Variants in GALNT13 observed in about 807,000 individuals in gnomAD.
GALNT13 encodes UDP-GalNAc:polypeptide N-acetylgalactosaminyltransferase 13.
Under a neutral mutation model 64.2 loss-of-function variants are expected in GALNT13, and 28 were observed. The observed-to-expected ratio is 0.44, with a 90% CI of 0.32 to 0.60. The LOEUF (loss-of-function observed/expected upper bound fraction) is 0.60, where lower values mean the gene tolerates loss of function less well. Ranked by LOEUF, GALNT13 falls within the 20% of genes least tolerant of loss-of-function variation. The pLI, the probability that GALNT13 is intolerant of heterozygous loss-of-function variation, is 0.05. For synonymous variants in GALNT13, 214 were observed against 224.6 expected, an observed-to-expected ratio of 0.95 and a Z score of 0.42; for missense variants, 577 against 669.8, an observed-to-expected ratio of 0.86 and a Z score of 1.53.
chr2:153,193,473 C>T, the GALNT13 span, among the ~76,000 whole-genome samples: 1 of 149,568 alleles, frequency 6.7e-6, no homozygotes, highest in African/African-American at 2.4e-5. Context: ...GGAGGGATAG[C>T]ATTGGGAGAT....
chr2:153,581,815 A>G, the GALNT13 span, among the ~76,000 whole-genome samples: 63 of 152,230 alleles, frequency 4.1e-4, no homozygotes, highest in African/African-American at 1.5e-3. Context: ...ATTCTCTGCT[A>G]CTTCCTCTTT....
chr2:154,135,264 T>TA (rs201564036), intron 3 of GALNT13, among the ~76,000 whole-genome samples: 1 of 151,032 alleles, frequency 6.6e-6, no homozygotes, highest in Non-Finnish European at 1.5e-5. Context: ...ATATTTTGAG[T>TA]AAAAAAAAAT....
Position 154,409,005 on chromosome 2 carries a change from C to G in GALNT13, c.1318C>G (p.Gln440Glu). 1 of 1,609,186 alleles carries G rather than the reference C, an allele frequency of 6.2e-7. No homozygotes were observed. Among genetic ancestry groups the G allele is most frequent in the South Asian group, 1.1e-5 (1 of 90,898 alleles). The change falls in exon 11 of 13, where the codon CAG (glutamine) becomes GAG (glutamate). Residue 440 changes from glutamine (Q) to glutamate (E), a missense_variant. Gln to Glu is a conservative substitution (Grantham distance 29, BLOSUM62 2). Transcript: ENST00000392825. ...LGEIRNVETN[Q>E]CLDNMGRKEN... ...TTAGATAAGAAATGTTGAAACCAATCAGTGTTTAGACAACATGGGCCGCAA... is the reference window on the plus strand; with the variant it reads ...TTAGATAAGAAATGTTGAAACCAATGAGTGTTTAGACAACATGGGCCGCAA...
chr2:153,907,650 G>A (rs1350612104), intron 2 of GALNT13, among the ~76,000 whole-genome samples: 2 of 151,962 alleles, frequency 1.3e-5, no homozygotes, highest in East Asian at 1.9e-4. Context: ...ATGAGAACAT[G>A]TGGTATTTGT....
intron 9 of GALNT13, among the ~76,000 whole-genome samples, chr2:154,326,721 C>A (rs1260630529): frequency 6.6e-6 from 1 of 152,040 alleles, no homozygotes; most frequent in Non-Finnish European, 1.5e-5. Flanking sequence ...TCGAGCTTAG[C>A]CTTATTATCT....
In GALNT13 at chr2:154,002,345, CTCTTTCTTGG is replaced by C. The variant is rs1383682062; in HGVS notation, c.142+57715_142+57724del. The stretch of plus-strand genomic sequence containing the variant: ...TCATAATGCTTGTAGGCCTTTTTCA[CTCTTTCTTGG>C]TCTTTCTTTTCCTCTTCTCATTGGA... On this transcript the variant is annotated intron_variant, in intron 3 of 12. Coordinates refer to ENST00000392825, the MANE Select transcript of GALNT13 (RefSeq NM_052917.4). Among the ~76,000 whole-genome samples, 11 of 151,448 alleles carry C rather than the reference CTCTTTCTTGG, an allele frequency of 7.3e-5. No individual in the cohort carries two copies. The East Asian group carries it at 2.1e-3, about 29-fold the overall frequency.
intron 4 of GALNT13, among the ~76,000 whole-genome samples, chr2:154,151,740 C>G (rs185371829): frequency 2.0e-5 from 3 of 152,138 alleles, no homozygotes; most frequent in Non-Finnish European, 4.4e-5. Flanking sequence ...TTATCAGGGA[C>G]TAGGATTGCA....
intron 4 of GALNT13, among the ~76,000 whole-genome samples, chr2:154,167,809 C>A (rs896197711): frequency 6.6e-6 from 1 of 152,132 alleles, no homozygotes; most frequent in Non-Finnish European, 1.5e-5. Flanking sequence ...GGGCGAGAAC[C>A]TGTGCAGGTT....
chr2:153,950,268 AG>A (rs1692078922), intron 3 of GALNT13, among the ~76,000 whole-genome samples: 1 of 151,970 alleles, frequency 6.6e-6, no homozygotes, highest in Non-Finnish European at 1.5e-5. Flanking sequence ...TTAATAAAAA[AG>A]CCCAAATAAC....
At chr2:153,824,959 ATT>A in the GALNT13 span, among the ~76,000 whole-genome samples, 1 of 152,094 alleles carries the variant, frequency 6.6e-6, no homozygotes, top group African/African-American at 2.4e-5. Flanking sequence ...AAATGTATAA[ATT>A]ACCAGTCTCA....
At chr2:153,957,216 G>A (rs1692621569) in intron 3 of GALNT13, among the ~76,000 whole-genome samples, 1 of 152,098 alleles carries the variant, frequency 6.6e-6, no homozygotes, top group South Asian at 2.1e-4. Flanking sequence ...TACAAAATTG[G>A]GACCATCTAC....
At chr2:153,176,259 G>A in the GALNT13 span, among the ~76,000 whole-genome samples, 1 of 152,162 alleles carries the variant, frequency 6.6e-6, no homozygotes, top group Non-Finnish European at 1.5e-5. Context: ...CTGGATTCTA[G>A]TGATTAGACC....
chr2:153,106,825 T>C, the GALNT13 span, among the ~76,000 whole-genome samples: 2 of 152,216 alleles, frequency 1.3e-5, no homozygotes, highest in Non-Finnish European at 2.9e-5. Context: ...TCTTTTGTTA[T>C]AAGCTCTGGG....
chr2:154,346,448 G>A (rs765347556), intron 9 of GALNT13, among the ~76,000 whole-genome samples: 1 of 152,128 alleles, frequency 6.6e-6, no homozygotes, highest in East Asian at 1.9e-4. Flanking sequence ...TGTTGTGGGA[G>A]GGAGCCAGTG....
chr2:153,859,759 A>G, the GALNT13 span, among the ~76,000 whole-genome samples: 3 of 152,294 alleles, frequency 2.0e-5, no homozygotes, highest in Non-Finnish European at 4.4e-5. Flanking sequence ...ATTTTGATGT[A>G]AAGAGTACAT....
At chr2:153,187,633 T>C in the GALNT13 span, 1 of 152,158 alleles carries the variant, frequency 6.6e-6, no homozygotes, top group Non-Finnish European at 1.5e-5. Flanking sequence ...TGTTGATGTC[T>C]CCCACATATA....
At chr2:154,110,316 TATATATATATATATATATATAGAG>T (rs1702886163) in intron 3 of GALNT13, among the ~76,000 whole-genome samples, 3 of 41,014 alleles carry the variant, frequency 7.3e-5, no homozygotes, top group Admixed American at 2.6e-4. Flanking sequence ...TATATATATA[TATATATATATATATATATATAGAG>T]AGAGAGAGAG....
intron 2 of GALNT13, among the ~76,000 whole-genome samples, chr2:153,927,993 T>C (rs1690266139): frequency 6.6e-6 from 1 of 152,094 alleles, no homozygotes; most frequent in South Asian, 2.1e-4. Flanking sequence ...TGTGCAAGTT[T>C]AGTATACCTC....
At chr2:154,268,671 C>G (rs558907822) in intron 8 of GALNT13, among the ~76,000 whole-genome samples, 1 of 151,666 alleles carries the variant, frequency 6.6e-6, no homozygotes, top group African/African-American at 2.4e-5. Flanking sequence ...CAAAGAGAAA[C>G]AAATGAAGGA....
Sources: gnomAD v4.1 joint callset for allele counts (sites outside exome capture counted in the v4.1 genomes callset) on GRCh38, gnomAD v4.1.1 for gene constraint, MANE v1.5 for transcripts, NCBI Gene and HGNC (gene_info 2026-07-23, HGNC 2026-07-21) for gene names.